CHIC2: variants seen among roughly 807,000 people sequenced by gnomAD.
CHIC2 encodes the protein cysteine rich hydrophobic domain 2, also known as cysteine-rich hydrophobic domain-containing protein 2.
CHIC2 carries 14 observed loss-of-function variants against 25.9 expected under a neutral mutation model. The observed-to-expected ratio is 0.54, with a 90% CI of 0.36 to 0.85. The LOEUF is 0.85. CHIC2 is among the 40% of genes least tolerant of loss of function. The probability of loss-of-function intolerance (pLI) is 0.01; values close to 1 mark genes in which losing one functional copy is unlikely to be tolerated. For synonymous variants in CHIC2, 70 were observed against 72.0 expected (o/e 0.97, Z 0.14); for missense variants, 146 against 202.0 (o/e 0.72, Z 1.68).
chr4:54,058,447 T>C (rs116678311), intron 1 of CHIC2, among the ~76,000 whole-genome samples: 1,569 of 152,048 alleles, frequency 0.01, 23 homozygotes, highest in African/African-American at 0.035. Context: ...TTTCCAAATA[T>C]GTCTGATAGA....
At chr4:54,040,633 G>A (rs1255255479) in intron 3 of CHIC2, among the ~76,000 whole-genome samples, 2 of 148,152 alleles carry the variant, frequency 1.3e-5, no homozygotes, top group Non-Finnish European at 3.0e-5. Context: ...CCGGGGAGGT[G>A]TAGGTTGTGA....
At chr4:54,083,380 T>C in the CHIC2 span, among the ~76,000 whole-genome samples, 2 of 152,228 alleles carry the variant, frequency 1.3e-5, no homozygotes, top group Non-Finnish European at 2.9e-5. Flanking sequence ...AAAAATTTCC[T>C]CTTGGCTATT....
chr4:54,042,883 T>C (rs1293024375), intron 3 of CHIC2, among the ~76,000 whole-genome samples: 2 of 152,248 alleles, frequency 1.3e-5, no homozygotes, highest in African/African-American at 4.8e-5. Flanking sequence ...TTTAAAAATT[T>C]TTAGTAGGAA....
the CHIC2 span, among the ~76,000 whole-genome samples, chr4:54,091,209 C>A: frequency 6.6e-6 from 1 of 152,150 alleles, no homozygotes; most frequent in Non-Finnish European, 1.5e-5. Context: ...CCCAGACACT[C>A]CCGCCCACTC....
chr4:54,071,951 A>C, the CHIC2 span, among the ~76,000 whole-genome samples: 31 of 152,104 alleles, frequency 2.0e-4, no homozygotes, highest in Non-Finnish European at 4.1e-4. Context: ...TGTTTCTCTT[A>C]GATTCTCCTG....
chr4:54,067,339 G>C (rs1717538528), upstream of CHIC2, among the ~76,000 whole-genome samples: 1 of 150,414 alleles, frequency 6.6e-6, no homozygotes, highest in East Asian at 2.0e-4. Flanking sequence ...TCTTTTTCCT[G>C]TTCTGAAAAA....
intron 3 of CHIC2, among the ~76,000 whole-genome samples, chr4:54,023,540 G>A (rs576961740): frequency 6.6e-6 from 1 of 152,174 alleles, no homozygotes; most frequent in South Asian, 2.1e-4. Context: ...CCCCATGACT[G>A]TATCTCTCTG....
intron 1 of CHIC2, among the ~76,000 whole-genome samples, chr4:54,053,901 G>A (rs566097719): frequency 2.6e-5 from 4 of 152,072 alleles, no homozygotes; most frequent in Admixed American, 1.3e-4. Flanking sequence ...AGCGATTCTC[G>A]TGCCTCAGCT....
the CHIC2 span, among the ~76,000 whole-genome samples, chr4:54,077,831 T>C: frequency 6.6e-6 from 1 of 152,198 alleles, no homozygotes; most frequent in Non-Finnish European, 1.5e-5. Flanking sequence ...TTCAAGGGCG[T>C]ATCACTTGAG....
At chr4:54,078,215 T>G in the CHIC2 span, among the ~76,000 whole-genome samples, 1 of 152,218 alleles carries the variant, frequency 6.6e-6, no homozygotes, top group Non-Finnish European at 1.5e-5. Context: ...GATTTCATTT[T>G]TATAAATGCC....
At chr4:54,068,036 G>A (rs754791422), upstream of CHIC2, among the ~76,000 whole-genome samples, 100 of 151,884 alleles carry the variant, frequency 6.6e-4, no homozygotes, top group Admixed American at 1.1e-3. Flanking sequence ...CCCTCATGAT[G>A]GAATTTGTGC....
At chr4:54,086,915 A>T in the CHIC2 span, 1 of 633,370 alleles carries the variant, frequency 1.6e-6, no homozygotes, top group South Asian at 1.7e-5. Context: ...GGTTGGAATA[A>T]AAAGGGTTGA....
the CHIC2 span, among the ~76,000 whole-genome samples, chr4:54,085,359 A>G: frequency 1.8e-3 from 267 of 152,324 alleles, no homozygotes; most frequent in East Asian, 0.032. Context: ...ATTATTACGA[A>G]GTATCTGTGG....
Position 54,058,559 on chromosome 4 carries a change from TACACACAC to T in CHIC2, c.119+5615_119+5622del, listed in dbSNP as rs36034143. ...AGTCACATACACACATACACACACA[TACACACAC>T]ACACACACACACACACACACACACA... On this transcript the variant is annotated intron_variant, in intron 1 of 5. Transcript: ENST00000263921. Among the ~76,000 whole-genome samples, 196 of 138,580 alleles carry T rather than the reference TACACACAC, an allele frequency of 1.4e-3. 2 individuals are homozygous for T. Among genetic ancestry groups the T allele is most frequent in the Admixed American group, 6.6e-3 (91 of 13,790 alleles). 90.9% of individuals were successfully genotyped at this position (138,580 alleles called of 152,430 possible).
chr4:54,026,210 T>A (rs1560384994), intron 3 of CHIC2, among the ~76,000 whole-genome samples: 1 of 152,174 alleles, frequency 6.6e-6, no homozygotes, highest in Non-Finnish European at 1.5e-5. Context: ...AGAACTATTA[T>A]AATACTATCA....
Position 54,053,846 on chromosome 4 carries a change from G to A in CHIC2, c.120-4541C>T, listed in dbSNP as rs570183148. Among the ~76,000 whole-genome samples, 7 of 152,006 alleles carry A rather than the reference G, an allele frequency of 4.6e-5. No homozygotes were observed. The South Asian group carries it at 1.0e-3, about 23-fold the overall frequency. On this transcript the variant is annotated intron_variant, in intron 1 of 5. Transcript: ENST00000263921. ...CGCTTTGTTGTTCAGGCTGGAGTGC[G>A]GTGGCGTGGTCTCATCTCACTGTAA...
At chr4:54,045,494 C>T (rs1384686628) in intron 3 of CHIC2, among the ~76,000 whole-genome samples, 29 of 152,126 alleles carry the variant, frequency 1.9e-4, no homozygotes, top group East Asian at 1.9e-4. Context: ...GCTGGTTCAA[C>T]ATACGAAAAT....
At chr4:54,037,182 C>G (rs1417938163) in intron 3 of CHIC2, among the ~76,000 whole-genome samples, 1 of 151,898 alleles carries the variant, frequency 6.6e-6, no homozygotes, top group Non-Finnish European at 1.5e-5. Flanking sequence ...AACCCTGTCT[C>G]TACCAAAAAT....
At chr4:54,076,900 T>A in the CHIC2 span, 12 of 152,232 alleles carry the variant, frequency 7.9e-5, no homozygotes, top group African/African-American at 2.9e-4. Context: ...AGTTTGTCAC[T>A]GACCTATGTT....
Sources: allele counts gnomAD v4.1 joint callset (sites outside exome capture counted in the v4.1 genomes callset), GRCh38; gene constraint gnomAD v4.1.1; transcripts MANE v1.5; gene names NCBI Gene and HGNC (gene_info 2026-07-23, HGNC 2026-07-21).